The following PCDH15 variants were observed in gnomAD, a reference collection of about 807,000 sequenced individuals.
PCDH15 encodes the protein protocadherin related 15.
A neutral mutation model predicts 178.5 loss-of-function variants in PCDH15; 129 were observed. The observed-to-expected ratio is 0.72, with a 90% CI of 0.63 to 0.84. PCDH15 has a LOEUF of 0.84. Ranked by LOEUF, PCDH15 falls within the 40% of genes least tolerant of loss-of-function variation. PCDH15 has a pLI of 0.00. For synonymous variants in PCDH15, 800 were observed against 732.0 expected (o/e 1.09, Z -1.50); for missense variants, 2,230 against 2,099.9 (o/e 1.06, Z -1.21).
chr10:54,423,691 T>C (rs1955847476), intron 3 of PCDH15, among the ~76,000 whole-genome samples: 1 of 152,008 alleles, frequency 6.6e-6, no homozygotes, highest in African/African-American at 2.4e-5. Context: ...CAAACCTTTG[T>C]TCTCTTTGTT....
At chr10:55,486,932 A>G (rs1295548165) in intron 2 of PCDH15, among the ~76,000 whole-genome samples, 1 of 151,558 alleles carries the variant, frequency 6.6e-6, no homozygotes, top group Non-Finnish European at 1.5e-5. Flanking sequence ...AAATCTCCCT[A>G]CCTACTAAAA....
At chr10:54,074,233 G>T (rs879568376) in intron 17 of PCDH15, among the ~76,000 whole-genome samples, 2 of 152,088 alleles carry the variant, frequency 1.3e-5, no homozygotes, top group Non-Finnish European at 2.9e-5. Flanking sequence ...AATGTAAAAT[G>T]TTGTGGTATT....
chr10:54,697,515 G>GTGTGTATATATATATATATATATA (rs1555156234), intron 1 of PCDH15, among the ~76,000 whole-genome samples: 1 of 143,056 alleles, frequency 7.0e-6, no homozygotes, highest in African/African-American at 2.6e-5. Flanking sequence ...TGAAATGTGT[G>GTGTGTATATATATATATATATATA]TATATATATA....
intron 18 of PCDH15, among the ~76,000 whole-genome samples, chr10:54,023,589 G>A (rs1336494491): frequency 6.7e-6 from 1 of 148,262 alleles, no homozygotes; most frequent in Non-Finnish European, 1.5e-5. Flanking sequence ...TTTGCTCACT[G>A]TATATATTCA....
At chr10:54,479,396 G>C (rs1036133434) in intron 3 of PCDH15, among the ~76,000 whole-genome samples, 8 of 151,806 alleles carry the variant, frequency 5.3e-5, no homozygotes, top group African/African-American at 1.7e-4. Flanking sequence ...GTAACATATT[G>C]AATACGTAAT....
intron 4 of PCDH15, among the ~76,000 whole-genome samples, chr10:54,370,202 C>T (rs1408632013): frequency 6.6e-6 from 1 of 151,854 alleles, no homozygotes; most frequent in South Asian, 2.1e-4. Context: ...GAGTATTGAC[C>T]ACTACAAAGT....
At chr10:55,555,588 G>A (rs1163934275) in intron 2 of PCDH15, among the ~76,000 whole-genome samples, 1 of 152,030 alleles carries the variant, frequency 6.6e-6, no homozygotes, top group African/African-American at 2.4e-5. Context: ...ACAAGTAAGT[G>A]AAGACCACTT....
chr10:54,520,573 G>A (rs879298474), intron 3 of PCDH15, among the ~76,000 whole-genome samples: 120 of 152,180 alleles, frequency 7.9e-4, no homozygotes, highest in Admixed American at 1.6e-3. Context: ...AACAGGTGCT[G>A]GAGAGGATGT....
chr10:54,986,444 G>T (rs1839366364), intron 2 of PCDH15, among the ~76,000 whole-genome samples: 1 of 152,078 alleles, frequency 6.6e-6, no homozygotes, highest in East Asian at 1.9e-4. Flanking sequence ...TTTCTCTACT[G>T]AATTTTCCCA....
chr10:54,518,974 C>T (rs1253491273), intron 3 of PCDH15, among the ~76,000 whole-genome samples: 2 of 152,168 alleles, frequency 1.3e-5, no homozygotes, highest in Admixed American at 1.3e-4. Flanking sequence ...ATGATTATCT[C>T]AATAGATGCA....
chr10:54,588,828 C>T (rs1347947711), intron 2 of PCDH15, among the ~76,000 whole-genome samples: 1 of 152,110 alleles, frequency 6.6e-6, no homozygotes. Context: ...CCCACCTCAT[C>T]CTTCTTAAGT....
intron 3 of PCDH15, among the ~76,000 whole-genome samples, chr10:54,436,880 A>G (rs368542862): frequency 6.6e-6 from 1 of 152,352 alleles, no homozygotes. Context: ...GATATTAACC[A>G]AAATGCACAC....
chr10:55,394,724 T>C (rs760867867), intron 2 of PCDH15, among the ~76,000 whole-genome samples: 1 of 151,866 alleles, frequency 6.6e-6, no homozygotes. Flanking sequence ...AAGTTAAGTG[T>C]AATATAATTA....
chr10:53,896,381 C>CT (rs1002636967), intron 26 of PCDH15, among the ~76,000 whole-genome samples: 1 of 152,076 alleles, frequency 6.6e-6, no homozygotes, highest in Non-Finnish European at 1.5e-5. Flanking sequence ...TACATAGTTG[C>CT]TTTTTTACAG....
chr10:55,380,419 G>T (rs984152802), intron 2 of PCDH15, among the ~76,000 whole-genome samples: 1 of 152,092 alleles, frequency 6.6e-6, no homozygotes, highest in African/African-American at 2.4e-5. Flanking sequence ...TACATCTTTT[G>T]AGTAAAGAAA....
intron 18 of PCDH15, among the ~76,000 whole-genome samples, chr10:54,036,582 A>G (rs2093422127): frequency 6.7e-6 from 1 of 148,512 alleles, no homozygotes; most frequent in South Asian, 2.2e-4. Flanking sequence ...ACTGCTCAGG[A>G]AAAAAAAAAG....
At chr10:55,545,853 C>T (rs181514203) in intron 2 of PCDH15, among the ~76,000 whole-genome samples, 5 of 152,200 alleles carry the variant, frequency 3.3e-5, no homozygotes, top group African/African-American at 1.2e-4. Flanking sequence ...CTGTCTCCCT[C>T]ACCTTCTTAT....
chr10:54,377,098 C>T (rs1948563604), intron 4 of PCDH15, among the ~76,000 whole-genome samples: 1 of 151,750 alleles, frequency 6.6e-6, no homozygotes, highest in Non-Finnish European at 1.5e-5. Context: ...AGGCCGACAG[C>T]AAAATGAACA....
chr10:55,035,818 C>T (rs1301498921), intron 2 of PCDH15, among the ~76,000 whole-genome samples: 1 of 152,134 alleles, frequency 6.6e-6, no homozygotes, highest in Non-Finnish European at 1.5e-5. Context: ...GAGAAAAATG[C>T]TCCACTGATG....
Sources: gnomAD v4.1 joint callset for allele counts (sites outside exome capture counted in the v4.1 genomes callset) on GRCh38, gnomAD v4.1.1 for gene constraint, MANE v1.5 for transcripts, NCBI Gene and HGNC (gene_info 2026-07-23, HGNC 2026-07-21) for gene names.